Variants in CD1C observed in about 807,000 individuals in gnomAD.
CD1C encodes CD1c molecule.
A neutral mutation model predicts 39.4 loss-of-function variants in CD1C; 47 were observed. The observed-to-expected ratio is 1.19, with a 90% CI of 0.94 to 1.52. CD1C has a LOEUF of 1.52. Among genes scored for constraint, CD1C ranks in the 40% most tolerant of loss-of-function variants. The probability of loss-of-function intolerance (pLI) is 0.00; values close to 1 mark genes in which losing one functional copy is unlikely to be tolerated. For synonymous variants in CD1C, 165 were observed against 150.8 expected (o/e 1.09, Z -0.69); for missense variants, 417 against 395.2 (o/e 1.06, Z -0.47).
At chr1:158,290,642 G>A (rs534956526) in intron 1 of CD1C, among the ~76,000 whole-genome samples, 1 of 152,300 alleles carries the variant, frequency 6.6e-6, no homozygotes, top group Admixed American at 6.5e-5. Context: ...CTTAGTTGCT[G>A]TCAGTGGCTG....
chr1:158,292,911 T>C (rs1470532126), intron 4 of CD1C, 37 bp downstream of exon 4: 1 of 1,606,180 alleles, frequency 6.2e-7, no homozygotes, highest in Non-Finnish European at 8.5e-7. Flanking sequence ...TAGGTGGTTC[T>C]TGAGCCTAGA....
intron 1 of CD1C, among the ~76,000 whole-genome samples, chr1:158,290,919 A>T (rs938163623): frequency 1.3e-5 from 2 of 152,110 alleles, no homozygotes; most frequent in Non-Finnish European, 2.9e-5. Flanking sequence ...AAGAAGCCAG[A>T]ATGGTTGCCA....
At position 158,293,538 on chromosome 1, in the gene CD1C, T is replaced by G. The variant is rs548923428; in HGVS notation, c.*62T>G. On this transcript the variant is annotated 3_prime_UTR_variant, in exon 6 of 6. Transcript: ENST00000368170. ...CCAGCAACCCAGGAGCCTAGTACAA[T>G]ATAGTGATGCCATCCCGTCGACTCT... 2.5e-6 allele frequency: 4 copies of G among 1,614,034 alleles called. No homozygotes were observed. In the East Asian group the frequency reaches 6.7e-5, roughly 27 times the overall value.
At chr1:158,291,523 A>G (rs1378291573) in intron 2 of CD1C, 123 bp downstream of exon 2, 1 of 963,626 alleles carries the variant, frequency 1.0e-6, no homozygotes. Flanking sequence ...GCATAGATGA[A>G]CCTTTTAAGG....
In CD1C at chr1:158,294,294, T is replaced by C. The variant is rs1221219443; in HGVS notation, c.*818T>C. ...TCCTAAAGGACTGTGTTATCTGAGA[T>C]AGCCTTGGCTAAACTTTAGTCCCTT... is the stretch of plus-strand genomic sequence containing the variant. On this transcript the variant is annotated 3_prime_UTR_variant, in exon 6 of 6. Coordinates refer to ENST00000368170, the MANE Select transcript of CD1C (RefSeq NM_001765.3). 6.6e-6 allele frequency among the ~76,000 whole-genome samples: 1 copy of C among 152,256 alleles called. No homozygotes were observed. The highest frequency in any genetic ancestry group is 1.5e-5 in the Non-Finnish European group (1 of 68,040).
chr1:158,290,797 A>T (rs576444202), intron 1 of CD1C, among the ~76,000 whole-genome samples: 1 of 152,212 alleles, frequency 6.6e-6, no homozygotes, highest in Non-Finnish European at 1.5e-5. Context: ...TTCCGCTGCT[A>T]GTTCTTCTCC....
At chr1:158,290,252 T>G in intron 1 of CD1C, 127 bp downstream of exon 1, 1 of 793,184 alleles carries the variant, frequency 1.3e-6, no homozygotes, top group East Asian at 2.6e-5. Flanking sequence ...CAGGTCCAGT[T>G]TACTCTTTTG....
At chr1:158,290,171 A>G (rs762010034) in intron 1 of CD1C, 46 bp downstream of exon 1, 1 of 1,565,200 alleles carries the variant, frequency 6.4e-7, no homozygotes, top group Non-Finnish European at 8.8e-7. Flanking sequence ...ATCTGGGTAG[A>G]GTGTGCTGGG....
Position 158,293,638 on chromosome 1 carries a change from C to A in CD1C, c.*162C>A. The A allele has an allele frequency of 6.5e-7, 1 of 1,533,056 alleles. No individual in the cohort carries two copies. Among genetic ancestry groups the A allele is most frequent in the Non-Finnish European group, 8.9e-7 (1 of 1,124,506 alleles). 95.0% of individuals were successfully genotyped at this position (1,533,056 alleles called of 1,614,324 possible). Reference sequence around the variant, plus strand: ...CCAAATTCTAATTTGGAATGTTTTTCTTGGAATCTCCACTTTTTATATAGC... The same window carrying A: ...CCAAATTCTAATTTGGAATGTTTTTATTGGAATCTCCACTTTTTATATAGC... On this transcript the variant is annotated 3_prime_UTR_variant, in exon 6 of 6. Transcript: ENST00000368170.
rs760995206 is a variant in CD1C, at chr1:158,293,253, G to C, written c.931G>C (p.Val311Leu). The C allele has an allele frequency of 6.2e-6, 10 of 1,614,016 alleles. No individual in the cohort carries two copies. Among genetic ancestry groups the C allele is most frequent in the Non-Finnish European group, 8.5e-6 (10 of 1,180,004 alleles). ...GAATTGGATTGCCTTGGTAGTGATA[G>C]TGCCCTTGGTGATTCTAATAGTCCT... ...SMNWIALVVI[V>L]PLVILIVLVL... is the part of the protein sequence containing the mutation. The change falls in exon 5 of 6, where the codon GTG becomes CTG. Residue 311 changes from valine to leucine, a missense_variant. Val to Leu is a conservative substitution (Grantham distance 32). Transcript: ENST00000368170.
At chr1:158,291,086 CTCT>C in intron 1 of CD1C, 45 bp from the exon 2 acceptor site, 1 of 1,527,342 alleles carries the variant, frequency 6.5e-7, no homozygotes, top group Non-Finnish European at 8.9e-7. Context: ...TTCCTTGCCT[CTCT>C]TTTTTTTTTT....
At position 158,292,108 on chromosome 1, in the gene CD1C, C is replaced by G. The variant is rs201448758; in HGVS notation, c.353C>G (p.Ala118Gly). 1.1e-5 allele frequency: 18 copies of G among 1,613,982 alleles called. No individual in the cohort carries two copies. In the South Asian group the frequency reaches 2.0e-4, roughly 18 times the overall value. ...GATCCCTTTGAAGTACAGGTGAAAG[C>G]GGGCTGTGAGCTGCATTCTGGAAAG... Reference protein sequence around the residue: ...SKYPFEVQVKAGCELHSGKSP... With the variant: ...SKYPFEVQVKGGCELHSGKSP... Residue 118 changes from alanine to glycine, a missense_variant, in exon 3 of 6, where the codon GCG (alanine) becomes GGG (glycine). By Grantham distance (60) the Ala-to-Gly change is moderately conservative. Transcript: ENST00000368170.
rs1651142947 is a variant in CD1C at position 158,293,858 on chromosome 1, T to C, written c.*382T>C. ...TCATGATAAATGTGCCTTTCCTGCATATGATAGGCTCAGTGAAACACAAAA... is the reference window on the plus strand; with the variant it reads ...TCATGATAAATGTGCCTTTCCTGCACATGATAGGCTCAGTGAAACACAAAA... On this transcript the variant is annotated 3_prime_UTR_variant, in exon 6 of 6. Coordinates refer to ENST00000368170, the MANE Select transcript of CD1C (RefSeq NM_001765.3). Among the ~76,000 whole-genome samples, 2 of 152,206 alleles carry C rather than the reference T, an allele frequency of 1.3e-5. No homozygotes were observed. Among genetic ancestry groups the C allele is most frequent in the Admixed American group, 1.3e-4 (2 of 15,280 alleles).
chr1:158,291,249 C>T lies in CD1C; in HGVS notation c.177C>T (p.Asp59=), dbSNP rs770404381. 4.3e-6 allele frequency: 7 copies of T among 1,614,076 alleles called. No individual in the cohort carries two copies. The highest frequency in any genetic ancestry group is 5.9e-6 in the Non-Finnish European group (7 of 1,180,012). ...WLDELQTHGW[D]SESGTIIFLH... is the part of the protein sequence containing the mutation. ...ACGAGTTGCAGACTCATGGCTGGGA[C>T]AGTGAATCAGGCACAATAATTTTCC... is the stretch of plus-strand genomic sequence containing the variant. Residue 59 remains aspartate (D), a synonymous_variant, in exon 2 of 6, where the codon GAC becomes GAT. Coordinates refer to ENST00000368170, the MANE Select transcript of CD1C (RefSeq NM_001765.3).
At chr1:158,291,089 T>C (rs75096018) in intron 1 of CD1C, 45 bp from the exon 2 acceptor site, 1 of 359,568 alleles carries the variant, frequency 2.8e-6, no homozygotes, top group Non-Finnish European at 4.2e-6. Flanking sequence ...CTTGCCTCTC[T>C]TTTTTTTTTT....
Position 158,290,029 on chromosome 1 carries a change from C to T in CD1C, c.-36C>T. ...TTTGCTAAGAACAGAGATCAGCAAA[C>T]AGCTTTTCTGAGAGAAAGAAACATC... is the stretch of plus-strand genomic sequence containing the variant. On this transcript the variant is annotated 5_prime_UTR_variant, in exon 1 of 6. An upstream open reading frame in the 5' UTR gains an earlier in-frame stop. Coordinates refer to ENST00000368170, the MANE Select transcript of CD1C (RefSeq NM_001765.3). The T allele has an allele frequency of 6.3e-7, 1 of 1,599,532 alleles. No homozygotes were observed. The highest frequency in any genetic ancestry group is 8.6e-7 in the Non-Finnish European group (1 of 1,167,118).
At position 158,291,199 on chromosome 1, in the gene CD1C, C is replaced by A; in HGVS notation, c.127C>A (p.Arg43=). Residue 43 remains arginine, a synonymous_variant, in exon 2 of 6, where the codon CGA becomes AGA. Coordinates refer to ENST00000368170, the MANE Select transcript of CD1C (RefSeq NM_001765.3). ...CTCATTTGTCAACCAATCCTGGGCA[C>A]GAGGTCAGGGCTCAGGATGGCTGGA... The part of the protein sequence containing the change: ...IFSFVNQSWA[R]GQGSGWLDEL... The A allele has an allele frequency of 6.2e-7, 1 of 1,613,786 alleles. No individual in the cohort carries two copies. The highest frequency in any genetic ancestry group is 1.1e-5 in the South Asian group (1 of 91,048).
chr1:158,292,956 C>T (rs1651103529), intron 4 of CD1C, 82 bp downstream of exon 4: 1 of 1,367,388 alleles, frequency 7.3e-7, no homozygotes, highest in Non-Finnish European at 1.0e-6. Context: ...GATAGCAGAC[C>T]TAGGTGAGGG....
At position 158,293,465 on chromosome 1, in the gene CD1C, G is replaced by A. The variant is rs1182033480; in HGVS notation, c.991G>A (p.Asp331Asn). ...CCTGTTCCTTCACAGCTCATATCAG[G>A]ACATCCTGTGAGACTCTTCCCCCTG... ...LWFKKHCSYQ[D>N]IL Residue 331 changes from aspartate to asparagine, a missense_variant, in exon 6 of 6, where the codon GAC becomes AAC. Asp to Asn is a conservative substitution (Grantham distance 23). Transcript: ENST00000368170. 28 of 1,613,868 alleles carry A rather than the reference G, an allele frequency of 1.7e-5. No homozygotes were observed. Among genetic ancestry groups the A allele is most frequent in the Non-Finnish European group, 2.3e-5 (27 of 1,180,012 alleles).
Sources: gnomAD v4.1 joint callset for allele counts (sites outside exome capture counted in the v4.1 genomes callset) on GRCh38, gnomAD v4.1.1 for gene constraint, MANE v1.5 for transcripts, NCBI Gene and HGNC (gene_info 2026-07-23, HGNC 2026-07-21) for gene names.